Variants in IGSF5 observed in about 807,000 individuals in gnomAD.
IGSF5 encodes immunoglobulin superfamily member 5.
A neutral mutation model predicts 39.4 loss-of-function variants in IGSF5; 41 were observed. The observed-to-expected ratio is 1.04, with a 90% confidence interval of 0.81 to 1.35. IGSF5 has a LOEUF of 1.35. IGSF5 is among the 40% of genes most tolerant of loss of function. IGSF5 has a pLI of 0.00. For missense variants in IGSF5, 487 were observed against 494.6 expected (o/e 0.98, Z 0.15); for synonymous variants, 183 against 175.3 (o/e 1.04, Z -0.34).
At chr21:39,725,903 C>G in the IGSF5 span, 1 of 152,090 alleles carries the variant, frequency 6.6e-6, no homozygotes, top group Non-Finnish European at 1.5e-5. Flanking sequence ...GTTTCAGAGG[C>G]TGGACTGGAA....
intron 4 of IGSF5, among the ~76,000 whole-genome samples, chr21:39,776,206 AGATAT>A (rs2080139621): frequency 1.4e-5 from 1 of 71,152 alleles, no homozygotes; most frequent in Non-Finnish European, 4.0e-5. Flanking sequence ...CTATGTGTAT[AGATAT>A]AAAATATATA....
At chr21:39,762,909 G>A (rs371240467) in intron 2 of IGSF5, among the ~76,000 whole-genome samples, 3 of 152,072 alleles carry the variant, frequency 2.0e-5, no homozygotes, top group East Asian at 1.9e-4. Flanking sequence ...GGAGGTTCTC[G>A]GGCGGGAGGA....
intron 2 of IGSF5, among the ~76,000 whole-genome samples, chr21:39,753,722 A>G (rs1172398756): frequency 1.4e-5 from 2 of 139,428 alleles, no homozygotes; most frequent in Admixed American, 7.7e-5. Context: ...TTTTATCACT[A>G]TATAATGCCC....
At chr21:39,737,182 G>GAA in the IGSF5 span, among the ~76,000 whole-genome samples, 5 of 137,994 alleles carry the variant, frequency 3.6e-5, no homozygotes. Context: ...TTGTTCGTGT[G>GAA]AAAAAAAAAA....
chr21:39,753,637 T>G (rs1310445583), intron 2 of IGSF5, among the ~76,000 whole-genome samples: 1 of 152,198 alleles, frequency 6.6e-6, no homozygotes, highest in Non-Finnish European at 1.5e-5. Context: ...GTAGTAATTG[T>G]TTTTAAAATC....
At chr21:39,741,748 G>A (rs2079949640), upstream of IGSF5, among the ~76,000 whole-genome samples, 1 of 152,144 alleles carries the variant, frequency 6.6e-6, no homozygotes, top group South Asian at 2.1e-4. Context: ...GAGTCAGGAT[G>A]TACAGGGATG....
At chr21:39,760,112 A>G (rs1219597337) in intron 2 of IGSF5, among the ~76,000 whole-genome samples, 1 of 152,166 alleles carries the variant, frequency 6.6e-6, no homozygotes, top group Non-Finnish European at 1.5e-5. Context: ...GGCTCTGAAT[A>G]TCCATTATCA....
chr21:39,746,692 T>C (rs1444204755), intron 2 of IGSF5, among the ~76,000 whole-genome samples: 1 of 139,030 alleles, frequency 7.2e-6, no homozygotes, highest in Non-Finnish European at 1.6e-5. Context: ...TTAACACAGC[T>C]CACGGGACTC....
chr21:39,737,982 G>A, the IGSF5 span, among the ~76,000 whole-genome samples: 12 of 152,206 alleles, frequency 7.9e-5, no homozygotes, highest in African/African-American at 2.7e-4. Flanking sequence ...AAGAGAGTAC[G>A]CAGAAGGGTG....
the IGSF5 span, among the ~76,000 whole-genome samples, chr21:39,728,662 T>C: frequency 6.6e-6 from 1 of 152,228 alleles, no homozygotes. Flanking sequence ...AATCCATTTT[T>C]CCAGAGTTTT....
intron 3 of IGSF5, among the ~76,000 whole-genome samples, chr21:39,767,095 G>A (rs994466584): frequency 2.0e-5 from 3 of 152,134 alleles, no homozygotes; most frequent in Admixed American, 2.0e-4. Flanking sequence ...AGGCTATTTA[G>A]GACTGTTGGC....
intron 5 of IGSF5, among the ~76,000 whole-genome samples, chr21:39,786,549 G>T (rs1193273124): frequency 4.7e-5 from 7 of 147,418 alleles, no homozygotes; most frequent in Non-Finnish European, 8.9e-5. Flanking sequence ...AGTCGGTGTG[G>T]CGATTCCTCA....
At chr21:39,714,332 A>G in the IGSF5 span, among the ~76,000 whole-genome samples, 1 of 152,256 alleles carries the variant, frequency 6.6e-6, no homozygotes, top group Non-Finnish European at 1.5e-5. Context: ...CTTCCCTTGC[A>G]TCTACTGTTT....
intron 4 of IGSF5, among the ~76,000 whole-genome samples, chr21:39,778,889 C>A (rs994511260): frequency 1.3e-5 from 2 of 152,088 alleles, no homozygotes; most frequent in African/African-American, 2.4e-5. Context: ...TGTTTACTGG[C>A]AGAAATAAGT....
chr21:39,747,193 G>A (rs1011746318), intron 2 of IGSF5, among the ~76,000 whole-genome samples: 5 of 152,208 alleles, frequency 3.3e-5, no homozygotes, highest in East Asian at 1.9e-4. Context: ...ATGGCCGAAG[G>A]TGAAAGGCAC....
chr21:39,792,156 G>C, intron 7 of IGSF5, 57 bp downstream of exon 7: 1 of 1,210,124 alleles, frequency 8.3e-7, no homozygotes, highest in East Asian at 2.4e-5. Context: ...TGGAAGAAGG[G>C]CTGGCTTGCT....
chr21:39,732,585 G>A, the IGSF5 span, among the ~76,000 whole-genome samples: 1 of 152,178 alleles, frequency 6.6e-6, no homozygotes, highest in African/African-American at 2.4e-5. Context: ...GCTGTTGAAG[G>A]TGTGATGAAA....
intron 2 of IGSF5, among the ~76,000 whole-genome samples, chr21:39,759,931 G>T (rs2080053182): frequency 6.6e-6 from 1 of 151,832 alleles, no homozygotes; most frequent in African/African-American, 2.4e-5. Context: ...TCTGGGTTGA[G>T]GCCTGGAGGT....
At chr21:39,731,740 G>A in the IGSF5 span, among the ~76,000 whole-genome samples, 1 of 152,110 alleles carries the variant, frequency 6.6e-6, no homozygotes, top group Non-Finnish European at 1.5e-5. Context: ...TTCCAGAAAA[G>A]GACTCATCTG....
Sources: allele counts gnomAD v4.1 joint callset (sites outside exome capture counted in the v4.1 genomes callset), GRCh38; gene constraint gnomAD v4.1.1; transcripts MANE v1.5; gene names NCBI Gene and HGNC (gene_info 2026-07-23, HGNC 2026-07-21).